DCAF6: variants seen among roughly 807,000 people sequenced by gnomAD.
DCAF6 encodes the protein DDB1 and CUL4 associated factor 6.
In DCAF6, 54 loss-of-function variants were observed where a neutral mutation model predicts 125.1. That is an observed-to-expected ratio of 0.43 (90% confidence interval 0.35 to 0.54). The LOEUF (loss-of-function observed/expected upper bound fraction) is 0.54. DCAF6 is among the 20% of genes least tolerant of loss of function. The pLI is 0.01. For synonymous variants in DCAF6, 371 were observed against 390.4 expected, an observed-to-expected ratio of 0.95 and a Z score of 0.58; for missense variants, 934 against 1,161.7, an observed-to-expected ratio of 0.80 and a Z score of 2.85.
intron 4 of DCAF6, among the ~76,000 whole-genome samples, chr1:167,985,222 G>GTA (rs1356464877): frequency 6.6e-6 from 1 of 151,794 alleles, no homozygotes; most frequent in Non-Finnish European, 1.5e-5. Flanking sequence ...GTGTGTGTGT[G>GTA]TGTGGTGTGT....
In DCAF6 at chr1:167,991,886, G is replaced by A. The variant is rs528560444; in HGVS notation, c.688+547G>A. ...CCCTAATCCAGTTAGGGTGAGGTGGGCCCTGGATTAGGTGGGCCCTAATCC... is the reference window on the plus strand; with the variant it reads ...CCCTAATCCAGTTAGGGTGAGGTGGACCCTGGATTAGGTGGGCCCTAATCC... On this transcript the variant is annotated intron_variant, in intron 6 of 21. Coordinates refer to ENST00000367840, the MANE Select transcript of DCAF6 (RefSeq NM_001198956.2). Among the ~76,000 whole-genome samples the A allele has an allele frequency of 2.0e-3, 310 of 152,126 alleles. 2 individuals are homozygous for A. The highest frequency in any genetic ancestry group is 8.4e-4 in the Non-Finnish European group (57 of 67,992).
rs535794047 is a variant in DCAF6 at position 168,071,695 on chromosome 1, T to G, written c.2791+3232T>G. Among the ~76,000 whole-genome samples the G allele has an allele frequency of 2.8e-4, 43 of 152,272 alleles. No individual in the cohort carries two copies. In the South Asian group the frequency reaches 3.5e-3, roughly 12 times the overall value. On this transcript the variant is annotated intron_variant, in intron 21 of 21. Coordinates refer to ENST00000367840, the MANE Select transcript of DCAF6 (RefSeq NM_001198956.2). ...CTATGGGCTATAGTCTGCTACCACC[T>G]TTTTAAAACACAAATTAGATACCAC...
chr1:167,925,453 A>G, the DCAF6 span, among the ~76,000 whole-genome samples: 64 of 110,602 alleles, frequency 5.8e-4, 1 homozygote, highest in African/African-American at 2.4e-3. Flanking sequence ...ATATATATAT[A>G]TATATATATA....
At chr1:167,936,520 C>T, upstream of DCAF6, 1 of 234,926 alleles carries the variant, frequency 4.3e-6, no homozygotes, top group Non-Finnish European at 8.5e-6. Flanking sequence ...GTGAGGGCAG[C>T]CGCAGCACAC....
the DCAF6 span, among the ~76,000 whole-genome samples, chr1:167,908,564 C>T: frequency 4.6e-5 from 7 of 152,032 alleles, no homozygotes; most frequent in African/African-American, 1.7e-4. Context: ...TCTCACCACA[C>T]AAAAATGTTA....
chr1:167,943,265 C>G (rs985770378), intron 1 of DCAF6, among the ~76,000 whole-genome samples: 2 of 152,100 alleles, frequency 1.3e-5, no homozygotes, highest in African/African-American at 4.8e-5. Context: ...TGAACCCTTT[C>G]TATTTCCATA....
chr1:167,992,782 CAG>C (rs974481997), intron 6 of DCAF6, among the ~76,000 whole-genome samples: 53 of 152,258 alleles, frequency 3.5e-4, no homozygotes, highest in African/African-American at 1.3e-3. Context: ...TCATGGCAAT[CAG>C]AAATTTTTTT....
chr1:167,863,579 G>T, the DCAF6 span, among the ~76,000 whole-genome samples: 2 of 152,116 alleles, frequency 1.3e-5, no homozygotes, highest in African/African-American at 4.8e-5. Context: ...TACATTTCTT[G>T]GTTCCCTGAC....
At chr1:167,993,497 C>G (rs940841968) in intron 7 of DCAF6, 57 bp downstream of exon 7, 1 of 1,473,614 alleles carries the variant, frequency 6.8e-7, no homozygotes, top group Non-Finnish European at 9.4e-7. Flanking sequence ...CGCCTGTAAT[C>G]CCAGCGCTTT....
At chr1:167,910,059 A>G in the DCAF6 span, among the ~76,000 whole-genome samples, 5 of 152,200 alleles carry the variant, frequency 3.3e-5, no homozygotes, top group African/African-American at 9.7e-5. Flanking sequence ...TAAAAGGGCC[A>G]GGAACTGTTT....
intron 21 of DCAF6, among the ~76,000 whole-genome samples, chr1:168,071,447 A>C (rs1693010568): frequency 6.6e-6 from 1 of 151,668 alleles, no homozygotes; most frequent in African/African-American, 2.4e-5. Flanking sequence ...CTATAAAAAT[A>C]AAAAATAAAA....
At chr1:168,052,095 G>A (rs1033939355) in intron 17 of DCAF6, among the ~76,000 whole-genome samples, 26 of 152,146 alleles carry the variant, frequency 1.7e-4, no homozygotes, top group African/African-American at 5.5e-4. Context: ...TGTTGGCCAG[G>A]CTGGTCTCAA....
intron 21 of DCAF6, among the ~76,000 whole-genome samples, chr1:168,074,024 C>G (rs2102044795): frequency 6.7e-6 from 1 of 148,360 alleles, no homozygotes; most frequent in South Asian, 2.2e-4. Context: ...CTTTATAGAT[C>G]AGTAAGGAAT....
chr1:167,980,485 C>A (rs113942949), intron 4 of DCAF6, among the ~76,000 whole-genome samples: 2 of 152,112 alleles, frequency 1.3e-5, no homozygotes, highest in African/African-American at 2.4e-5. Flanking sequence ...CCAACACTTA[C>A]AATTTTTTTT....
At chr1:167,925,438 T>TACAC in the DCAF6 span, among the ~76,000 whole-genome samples, 3 of 79,030 alleles carry the variant, frequency 3.8e-5, no homozygotes, top group East Asian at 3.0e-4. Context: ...GATATACATA[T>TACAC]ACACATATAT....
intron 12 of DCAF6, among the ~76,000 whole-genome samples, chr1:168,030,698 A>T (rs960780916): frequency 1.3e-5 from 2 of 152,252 alleles, no homozygotes; most frequent in Admixed American, 6.5e-5. Context: ...TTGCAGTAAC[A>T]ACTTCAGAAT....
intron 10 of DCAF6, among the ~76,000 whole-genome samples, chr1:168,005,544 T>C (rs986967967): frequency 1.3e-5 from 2 of 152,130 alleles, no homozygotes; most frequent in African/African-American, 4.8e-5. Context: ...CAATAAGATA[T>C]TTATTCATAG....
At chr1:167,959,349 G>A (rs1675239171) in intron 2 of DCAF6, among the ~76,000 whole-genome samples, 1 of 152,216 alleles carries the variant, frequency 6.6e-6, no homozygotes, top group South Asian at 2.1e-4. Context: ...TTTGTGGGCA[G>A]GTGTTGGTGT....
intron 12 of DCAF6, among the ~76,000 whole-genome samples, chr1:168,037,189 C>A (rs908964138): frequency 6.6e-6 from 1 of 150,520 alleles, no homozygotes; most frequent in African/African-American, 2.5e-5. Flanking sequence ...CACTGAGCCC[C>A]GCTGAGATTC....
Sources: gnomAD v4.1 joint callset for allele counts (sites outside exome capture counted in the v4.1 genomes callset) on GRCh38, gnomAD v4.1.1 for gene constraint, MANE v1.5 for transcripts, NCBI Gene and HGNC (gene_info 2026-07-23, HGNC 2026-07-21) for gene names.